The following STK40 variants were observed in gnomAD, a reference collection of about 807,000 sequenced individuals.
STK40 encodes the protein serine/threonine kinase 40, also known as serine/threonine-protein kinase 40.
STK40 carries 13 observed loss-of-function variants against 47.9 expected under a neutral mutation model. That is an observed-to-expected ratio of 0.27 (90% CI 0.18 to 0.43). The LOEUF is 0.43. Ranked by LOEUF, STK40 falls within the 20% of genes least tolerant of loss-of-function variation. The pLI, the probability that STK40 is intolerant of heterozygous loss-of-function variation, is 1.00. For synonymous variants in STK40, 225 were observed against 243.2 expected, an observed-to-expected ratio of 0.93 and a Z score of 0.69; for missense variants, 460 against 595.1, an observed-to-expected ratio of 0.77 and a Z score of 2.36.
chr1:36,383,261 T>G lies in STK40; in HGVS notation c.-9+2462A>C, dbSNP rs778763036. 3.3e-5 allele frequency among the ~76,000 whole-genome samples: 5 copies of G among 152,202 alleles called. No individual in the cohort carries two copies. The South Asian group carries it at 1.0e-3, about 31-fold the overall frequency. On this transcript the variant is annotated intron_variant, in intron 1 of 10. Transcript: ENST00000373132. ...ACCCGGCCTCAAATAACCTCTTAACTATTACAATCTACTGCCTTCCCCAAA... is the reference window on the plus strand; with the variant it reads ...ACCCGGCCTCAAATAACCTCTTAACGATTACAATCTACTGCCTTCCCCAAA...
At chr1:36,354,224 C>T (rs972926121) in intron 6 of STK40, 140 bp downstream of exon 6, 28 of 873,268 alleles carry the variant, frequency 3.2e-5, no homozygotes, top group East Asian at 5.1e-5. Flanking sequence ...CATCCCATCC[C>T]GAGCCCTGGG....
intron 2 of STK40, among the ~76,000 whole-genome samples, chr1:36,360,736 C>G (rs1183515237): frequency 6.6e-6 from 1 of 152,098 alleles, no homozygotes; most frequent in Non-Finnish European, 1.5e-5. Context: ...TGGGATCTCA[C>G]TATGTTGCCC....
chr1:36,342,136 G>C (rs1426069629), intron 10 of STK40, 163 bp from the exon 11 acceptor site: 7 of 691,482 alleles, frequency 1.0e-5, no homozygotes, highest in Non-Finnish European at 1.7e-5. Context: ...TGGCGCTGAG[G>C]GTGGGTCCCT....
chr1:36,378,987 G>C (rs12048653), intron 1 of STK40, among the ~76,000 whole-genome samples: 1 of 152,118 alleles, frequency 6.6e-6, no homozygotes, highest in Non-Finnish European at 1.5e-5. Flanking sequence ...TCCCCAAGGC[G>C]CTGAACCGAG....
rs1371490364 is a variant in STK40 at position 36,355,440 on chromosome 1, G to A, written c.343-7C>T. 5.8e-5 allele frequency: 93 copies of A among 1,613,996 alleles called. No homozygotes were observed. The highest frequency in any genetic ancestry group is 7.8e-5 in the Non-Finnish European group (92 of 1,179,984). ...CGATTTCACAGGTGCGGTCCTGGGA[G>A]GCAAGGGGGTAGCGCAGGGCTTGGC... On this transcript the variant is annotated splice_polypyrimidine_tract_variant and splice_region_variant and intron_variant, in intron 4 of 10. Coordinates refer to ENST00000373132, the MANE Select transcript of STK40 (RefSeq NM_001282547.2).
rs1646675919 is a variant in STK40, at chr1:36,343,864, A to C, written c.1000T>G (p.Ser334Ala). The C allele has an allele frequency of 1.3e-6, 2 of 1,591,156 alleles. No homozygotes were observed. Among genetic ancestry groups the C allele is most frequent in the African/African-American group, 2.7e-5 (2 of 74,398 alleles). ...VLEALSAIIA[S>A]WQSLSSLSGP... ...GTCAAGTGCCTGTCCACTTACCATG[A>C]TGCAATGATGGCACTGAGGGCCTCC... is the stretch of plus-strand genomic sequence containing the variant. Residue 334 changes from serine (S) to alanine (A), a missense_variant, in exon 9 of 11, where the codon TCA becomes GCA. By Grantham distance (99) the Ser-to-Ala change is moderately conservative. This residue lies in a region of STK40 where 181 missense variants were observed against 218.9 expected (regional missense o/e 0.83). Coordinates refer to ENST00000373132, the MANE Select transcript of STK40 (RefSeq NM_001282547.2).
At chr1:36,384,875 A>C (rs149803257) in intron 1 of STK40, among the ~76,000 whole-genome samples, 1 of 152,330 alleles carries the variant, frequency 6.6e-6, no homozygotes, top group East Asian at 1.9e-4. Flanking sequence ...AAAGAGGGAA[A>C]GGCGCCCAGC....
intron 7 of STK40, among the ~76,000 whole-genome samples, chr1:36,344,503 G>A (rs1022702369): frequency 2.4e-4 from 37 of 152,306 alleles, no homozygotes; most frequent in Non-Finnish European, 4.4e-5. Flanking sequence ...GCCAGATGGC[G>A]AGCCCCTGGG....
chr1:36,342,010 A>C, intron 10 of STK40, 37 bp from the exon 11 acceptor site: 1 of 1,567,796 alleles, frequency 6.4e-7, no homozygotes, highest in Non-Finnish European at 8.7e-7. Flanking sequence ...GACAAAGATA[A>C]ACCCAGATGA....
intron 7 of STK40, among the ~76,000 whole-genome samples, chr1:36,345,991 A>ATATATATTT: frequency 6.8e-4 from 18 of 26,462 alleles, no homozygotes; most frequent in Non-Finnish European, 8.3e-4. Context: ...ATATATATAT[A>ATATATATTT]TTTTTTTTTT....
chr1:36,363,141 T>G (rs1439954261), intron 1 of STK40, among the ~76,000 whole-genome samples: 1 of 150,906 alleles, frequency 6.6e-6, no homozygotes, highest in Non-Finnish European at 1.5e-5. Flanking sequence ...GGCAACAGAG[T>G]AAGACTCTGT....
chr1:36,364,260 A>T (rs993812121), intron 1 of STK40, among the ~76,000 whole-genome samples: 1 of 141,786 alleles, frequency 7.1e-6, no homozygotes, highest in African/African-American at 3.2e-5. Flanking sequence ...GGGCACATTT[A>T]AAAAAAATCC....
intron 1 of STK40, among the ~76,000 whole-genome samples, chr1:36,384,867 A>G (rs1212911417): frequency 6.6e-6 from 1 of 152,218 alleles, no homozygotes; most frequent in Non-Finnish European, 1.5e-5. Flanking sequence ...AACTACTCAA[A>G]GAGGGAAAGG....
chr1:36,348,927 T>C (rs12564657), intron 6 of STK40, 112 bp from the exon 7 acceptor site: 32,060 of 910,984 alleles, frequency 0.035, 4,047 homozygotes, highest in East Asian at 0.32. Flanking sequence ...CAGTAGGAGG[T>C]AGGCTTCTCG....
chr1:36,361,474 G>A (rs921212721), intron 1 of STK40, 134 bp from the exon 2 acceptor site: 1 of 1,465,116 alleles, frequency 6.8e-7, no homozygotes, highest in Non-Finnish European at 9.0e-7. Flanking sequence ...CTGCTACCAG[G>A]GGAGCATCCA....
At chr1:36,344,071 AGCCCATCAG>A in intron 8 of STK40, 40 bp downstream of exon 8, 1 of 1,599,224 alleles carries the variant, frequency 6.3e-7, no homozygotes, top group Non-Finnish European at 8.5e-7. Flanking sequence ...CCCTGCCTTA[AGCCCATCAG>A]GCTGGCTGCC....
At chr1:36,357,692 C>T (rs2124736260) in intron 4 of STK40, among the ~76,000 whole-genome samples, 1 of 152,324 alleles carries the variant, frequency 6.6e-6, no homozygotes, top group Non-Finnish European at 1.5e-5. Context: ...TCTTGGCTCA[C>T]TGCAACCTCC....
chr1:36,350,797 G>C (rs538399709), intron 6 of STK40, among the ~76,000 whole-genome samples: 14 of 152,368 alleles, frequency 9.2e-5, no homozygotes, highest in African/African-American at 3.4e-4. Flanking sequence ...CAACACTGCT[G>C]GTGGGACTTT....
intron 1 of STK40, among the ~76,000 whole-genome samples, chr1:36,372,299 T>C (rs1386149216): frequency 6.6e-6 from 1 of 151,828 alleles, no homozygotes; most frequent in Non-Finnish European, 1.5e-5. Context: ...GCACAGCTGG[T>C]AGACCCAGCT....
Sources: allele counts gnomAD v4.1 joint callset (sites outside exome capture counted in the v4.1 genomes callset), GRCh38; gene constraint gnomAD v4.1.1; regional missense constraint gnomAD v4.1.1; transcripts MANE v1.5; gene names NCBI Gene and HGNC (gene_info 2026-07-23, HGNC 2026-07-21).